Variants in PRKD1 observed in about 807,000 individuals in gnomAD.
PRKD1 encodes serine/threonine-protein kinase D1.
Under a neutral mutation model 95.9 loss-of-function variants are expected in PRKD1, and 63 were observed. That is an observed-to-expected ratio of 0.66 (90% CI 0.54 to 0.81). The LOEUF (loss-of-function observed/expected upper bound fraction) is 0.81. Ranked by LOEUF, PRKD1 falls within the 30% of genes least tolerant of loss-of-function variation. The pLI is 0.00. For missense variants in PRKD1, 1,048 were observed against 1,165.3 expected (o/e 0.90, Z 1.47); for synonymous variants, 425 against 423.1 (o/e 1.00, Z -0.05).
At chr14:29,584,189 C>CAGGAAAGCAAAGAGAAAATTTTATCA (rs1892839845) in intron 16 of PRKD1, among the ~76,000 whole-genome samples, 2 of 152,124 alleles carry the variant, frequency 1.3e-5, no homozygotes, top group African/African-American at 4.8e-5. Flanking sequence ...CTAACAATAA[C>CAGGAAAGCAAAGAGAAAATTTTATCA]AACAAAATAC....
At chr14:29,759,091 C>T (rs1039572526) in intron 1 of PRKD1, among the ~76,000 whole-genome samples, 2 of 152,158 alleles carry the variant, frequency 1.3e-5, no homozygotes, top group African/African-American at 4.8e-5. Flanking sequence ...CAAAGCATTC[C>T]CTAGTCTAAG....
At chr14:29,599,371 A>C (rs1482025572) in intron 14 of PRKD1, among the ~76,000 whole-genome samples, 2 of 152,234 alleles carry the variant, frequency 1.3e-5, no homozygotes, top group African/African-American at 4.8e-5. Context: ...AGGGACACCC[A>C]TTCTTAAATA....
chr14:29,650,080 G>A (rs1393148004), intron 4 of PRKD1, among the ~76,000 whole-genome samples: 3 of 152,060 alleles, frequency 2.0e-5, no homozygotes, highest in Non-Finnish European at 2.9e-5. Flanking sequence ...TCCTAGTTGG[G>A]GTGGTGAGCC....
intron 1 of PRKD1, among the ~76,000 whole-genome samples, chr14:29,836,512 T>C (rs1891616794): frequency 6.6e-6 from 1 of 152,186 alleles, no homozygotes; most frequent in Admixed American, 6.5e-5. Context: ...AGCCAGATAC[T>C]GGCAAGCTTG....
chr14:29,739,483 G>A (rs1302520399), intron 1 of PRKD1, among the ~76,000 whole-genome samples: 1 of 151,348 alleles, frequency 6.6e-6, no homozygotes, highest in African/African-American at 2.4e-5. Flanking sequence ...TTGAATTACA[G>A]CAAAAATAAA....
intron 13 of PRKD1, among the ~76,000 whole-genome samples, chr14:29,610,579 A>G (rs1878395177): frequency 6.6e-6 from 1 of 152,238 alleles, no homozygotes; most frequent in South Asian, 2.1e-4. Context: ...GGGAATATAA[A>G]ATGGTACAGC....
chr14:29,597,068 C>T (rs1332728817), intron 16 of PRKD1, among the ~76,000 whole-genome samples: 1 of 151,942 alleles, frequency 6.6e-6, no homozygotes, highest in Non-Finnish European at 1.5e-5. Flanking sequence ...ACAAAGAAAA[C>T]CAGTAGACAA....
rs551198562 is a variant in PRKD1 at position 29,711,769 on chromosome 14, A to G, written c.403+13767T>C. Reference sequence around the variant, plus strand: ...ACTGTTAATCTTGATGGAGACGTACAGTAAATAAAGGCCTATCAAGTAAAT... The same window carrying G: ...ACTGTTAATCTTGATGGAGACGTACGGTAAATAAAGGCCTATCAAGTAAAT... On this transcript the variant is annotated intron_variant, in intron 2 of 17. Transcript: ENST00000331968. 1.5e-3 allele frequency among the ~76,000 whole-genome samples: 224 copies of G among 152,262 alleles called. 1 individual carries two copies. Among genetic ancestry groups the G allele is most frequent in the African/African-American group, 4.8e-3 (200 of 41,556 alleles).
At chr14:29,828,152 C>A (rs1891269574) in intron 1 of PRKD1, among the ~76,000 whole-genome samples, 1 of 152,112 alleles carries the variant, frequency 6.6e-6, no homozygotes, top group South Asian at 2.1e-4. Flanking sequence ...TAAAGGAATA[C>A]CTGAGCTTGA....
chr14:29,835,318 T>C (rs998594396), intron 1 of PRKD1, among the ~76,000 whole-genome samples: 2 of 152,168 alleles, frequency 1.3e-5, no homozygotes, highest in Admixed American at 6.5e-5. Context: ...GCTTGAACAA[T>C]TGAAAGCCAA....
chr14:29,796,312 A>G (rs954254767), intron 1 of PRKD1, among the ~76,000 whole-genome samples: 7 of 152,248 alleles, frequency 4.6e-5, no homozygotes, highest in Middle Eastern at 6.8e-3. Context: ...ATTGGTACGA[A>G]TGTTTAATCA....
At position 29,865,911 on chromosome 14, in the gene PRKD1, A is replaced by G. The variant is rs1020563951; in HGVS notation, c.264+61338T>C. 3.9e-5 allele frequency among the ~76,000 whole-genome samples: 6 copies of G among 152,254 alleles called. No homozygotes were observed. The South Asian group carries it at 1.0e-3, about 26-fold the overall frequency. On this transcript the variant is annotated intron_variant, in intron 1 of 17. Transcript: ENST00000331968. Reference sequence around the variant, plus strand: ...TTACTGACTATCCATTAACTTCCATACATCTGGGATACAATAATAATTGAC... The same window carrying G: ...TTACTGACTATCCATTAACTTCCATGCATCTGGGATACAATAATAATTGAC...
At chr14:29,901,581 T>TA (rs757040599) in intron 1 of PRKD1, among the ~76,000 whole-genome samples, 1 of 151,948 alleles carries the variant, frequency 6.6e-6, no homozygotes, top group Non-Finnish European at 1.5e-5. Flanking sequence ...AAAATAAAAA[T>TA]AAAAAAGATA....
chr14:29,881,780 G>A (rs1424380400), intron 1 of PRKD1, among the ~76,000 whole-genome samples: 1 of 151,248 alleles, frequency 6.6e-6, no homozygotes, highest in African/African-American at 2.4e-5. Context: ...TCCTTTTTTT[G>A]TCCTTATCTA....
rs541730059 is a variant in PRKD1, at chr14:29,809,476, A to C, written c.265-83802T>G. Among the ~76,000 whole-genome samples, 9 of 152,326 alleles carry C rather than the reference A, an allele frequency of 5.9e-5. No homozygotes were observed. In the South Asian group the frequency reaches 1.9e-3, roughly 32 times the overall value. ...TGAAAATCTGTTATTTAGTGAAGCCACCTTCATCAATGATCTTAGCTAGAT... is the reference window on the plus strand; with the variant it reads ...TGAAAATCTGTTATTTAGTGAAGCCCCCTTCATCAATGATCTTAGCTAGAT... On this transcript the variant is annotated intron_variant, in intron 1 of 17. Transcript: ENST00000331968.
At chr14:29,799,990 A>G (rs1456586304) in intron 1 of PRKD1, among the ~76,000 whole-genome samples, 1 of 152,176 alleles carries the variant, frequency 6.6e-6, no homozygotes, top group East Asian at 1.9e-4. Context: ...AGTGCCGTCT[A>G]GTGTTCCTAA....
chr14:29,746,188 T>A (rs138465511), intron 1 of PRKD1, among the ~76,000 whole-genome samples: 3 of 152,202 alleles, frequency 2.0e-5, no homozygotes, highest in Non-Finnish European at 2.9e-5. Context: ...CTGTGGGAAT[T>A]TCCTTCCTTG....
At chr14:29,857,066 T>C (rs1431774069) in intron 1 of PRKD1, among the ~76,000 whole-genome samples, 1 of 152,172 alleles carries the variant, frequency 6.6e-6, no homozygotes, top group African/African-American at 2.4e-5. Flanking sequence ...TCTTAACCTC[T>C]CACCTCCCTT....
At chr14:29,819,559 G>A (rs537641419) in intron 1 of PRKD1, among the ~76,000 whole-genome samples, 8 of 152,176 alleles carry the variant, frequency 5.3e-5, no homozygotes, top group East Asian at 3.9e-4. Context: ...GCGTGGTGGC[G>A]GGCGCCTGTA....
Sources: gnomAD v4.1 joint callset for allele counts (sites outside exome capture counted in the v4.1 genomes callset) on GRCh38, gnomAD v4.1.1 for gene constraint, MANE v1.5 for transcripts, NCBI Gene and HGNC (gene_info 2026-07-23, HGNC 2026-07-21) for gene names.